Variants in VPS54 observed in about 807,000 individuals in gnomAD.
VPS54 encodes the protein vacuolar protein sorting-associated protein 54.
Under a neutral mutation model 121.5 loss-of-function variants are expected in VPS54, and 45 were observed. The ratio of observed to expected loss-of-function variants is 0.37; its 90% confidence interval spans 0.29 to 0.47. VPS54 has a LOEUF of 0.47. Among genes scored for constraint, VPS54 ranks in the 20% least tolerant of loss-of-function variants. The pLI, the probability that VPS54 is intolerant of heterozygous loss-of-function variation, is 0.99. For missense variants in VPS54, 1,090 were observed against 1,131.4 expected (o/e 0.96, Z 0.52); for synonymous variants, 371 against 385.8 (o/e 0.96, Z 0.45).
chr2:63,962,421 A>G lies in VPS54; in HGVS notation c.647T>C (p.Val216Ala). Residue 216 changes from valine to alanine, a missense_variant, in exon 7 of 23, where the codon GTG becomes GCG. Val to Ala is a moderately conservative substitution (Grantham distance 64). Around this residue, in one of 2 missense-constraint regions of VPS54, gnomAD observed 801 missense variants for 757.0 expected, o/e 1.06. Coordinates refer to ENST00000272322, the MANE Select transcript of VPS54 (RefSeq NM_016516.3). Reference sequence around the variant, plus strand: ...GATCTGGTGAGCAATGTTTACTTCCACAATATCCAGATAATGGCTCAGCTT... The same window carrying G: ...GATCTGGTGAGCAATGTTTACTTCCGCAATATCCAGATAATGGCTCAGCTT... ...QEKLSHYLDI[V>A]EVNIAHQISL... is the part of the protein sequence containing the mutation. 6.2e-7 allele frequency: 1 copy of G among 1,612,244 alleles called. No homozygotes were observed. Among genetic ancestry groups the G allele is most frequent in the Non-Finnish European group, 8.5e-7 (1 of 1,178,936 alleles).
chr2:63,947,385 G>T lies in VPS54; in HGVS notation c.1243C>A (p.Gln415Lys), dbSNP rs760607300. 4.3e-5 allele frequency: 67 copies of T among 1,546,640 alleles called. No homozygotes were observed. The highest frequency in any genetic ancestry group is 5.9e-5 in the Non-Finnish European group (67 of 1,139,640). The change falls in exon 9 of 23, where the codon CAG (glutamine) becomes AAG (lysine). Residue 415 changes from glutamine to lysine, a missense_variant and splice_region_variant. Physicochemically the swap from Gln to Lys is moderately conservative, Grantham distance 53. Transcript: ENST00000272322. ...GTCAAATAAAAATGCATAATTACCT[G>T]TTTAATGATATTCTTTGCTGTAATA... ...MVITAKNIIK[Q>K]CVINKVSQTE...
At chr2:63,987,346 A>C (rs1167656645) in intron 1 of VPS54, among the ~76,000 whole-genome samples, 4 of 152,216 alleles carry the variant, frequency 2.6e-5, no homozygotes, top group Non-Finnish European at 4.4e-5. Flanking sequence ...TCCTTTGTTA[A>C]GAATGAGATC....
chr2:64,014,587 C>A (rs1221232574), intron 1 of VPS54, among the ~76,000 whole-genome samples: 1 of 111,476 alleles, frequency 9.0e-6, no homozygotes, highest in Non-Finnish European at 2.3e-5. Context: ...CTTCTCTCCT[C>A]CCTAGAGAGG....
intron 1 of VPS54, among the ~76,000 whole-genome samples, chr2:63,988,113 G>C (rs1428798938): frequency 6.6e-6 from 1 of 152,176 alleles, no homozygotes; most frequent in Non-Finnish European, 1.5e-5. Context: ...TAGAAGAAGG[G>C]CTTTCAGTTT....
chr2:63,961,003 C>A (rs1055291279), intron 7 of VPS54, among the ~76,000 whole-genome samples: 1 of 152,198 alleles, frequency 6.6e-6, no homozygotes, highest in Non-Finnish European at 1.5e-5. Flanking sequence ...TTAGGTTCCA[C>A]CCCTAAGGTC....
At chr2:63,954,082 A>T (rs35697586) in intron 7 of VPS54, among the ~76,000 whole-genome samples, 17,480 of 152,212 alleles carry the variant, frequency 0.11, 1,146 homozygotes, top group Middle Eastern at 0.15. Flanking sequence ...AGTAGCAAGA[A>T]CATGCCTACT....
At chr2:63,991,908 GC>G (rs1259625281) in intron 1 of VPS54, among the ~76,000 whole-genome samples, 1 of 152,202 alleles carries the variant, frequency 6.6e-6, no homozygotes, top group East Asian at 1.9e-4. Context: ...AGGGGTTGGG[GC>G]GGTCGATCTC....
intron 1 of VPS54, among the ~76,000 whole-genome samples, chr2:64,009,621 T>A (rs1678334181): frequency 6.6e-6 from 1 of 151,942 alleles, no homozygotes. Context: ...CAGCCTACAT[T>A]TTCATCAGTG....
At chr2:63,923,531 T>C (rs941008702) in intron 12 of VPS54, among the ~76,000 whole-genome samples, 1 of 152,124 alleles carries the variant, frequency 6.6e-6, no homozygotes. Flanking sequence ...TGTCCACTAA[T>C]GGATGAACAG....
At chr2:63,916,854 G>C in intron 16 of VPS54, 46 bp downstream of exon 16, 1 of 1,583,408 alleles carries the variant, frequency 6.3e-7, no homozygotes, top group South Asian at 1.1e-5. Context: ...GAAGACTTGT[G>C]TTTTAAATAG....
At chr2:63,912,301 A>T in intron 20 of VPS54, 44 bp downstream of exon 20, 1 of 1,475,226 alleles carries the variant, frequency 6.8e-7, no homozygotes, top group Non-Finnish European at 9.3e-7. Context: ...ATAGAAAATC[A>T]TAATGTCTTT....
At chr2:63,904,175 C>G (rs1672806061) in intron 20 of VPS54, among the ~76,000 whole-genome samples, 1 of 152,092 alleles carries the variant, frequency 6.6e-6, no homozygotes, top group Non-Finnish European at 1.5e-5. Flanking sequence ...CGTGGTGGCT[C>G]ACGCCTGTAA....
chr2:63,897,521 T>C lies in VPS54; in HGVS notation c.2803A>G (p.Ile935Val). The change falls in exon 22 of 23, where the codon ATA becomes GTA. Residue 935 changes from isoleucine (I) to valine (V), a missense_variant. Physicochemically the swap from Ile to Val is conservative, Grantham distance 29 (BLOSUM62 3). Transcript: ENST00000272322. ...CCATTTTGAGGTCCTCCATCATTTA[T>C]CACATTTAAGTGAGATAACTGCTTT... ...LKKQLSHLNV[I>V]NDGGPQNGLV... is the part of the protein sequence containing the mutation. The C allele has an allele frequency of 6.2e-7, 1 of 1,600,540 alleles. No homozygotes were observed. Among genetic ancestry groups the C allele is most frequent in the Non-Finnish European group, 8.5e-7 (1 of 1,173,638 alleles).
Position 63,899,341 on chromosome 2 carries a change from T to A in VPS54, c.2733+133A>T. ...TTTATCCATGTTCTACCAGTCAATATAACAATGTAAAAAAATGATAATCAT... is the reference window on the plus strand; with the variant it reads ...TTTATCCATGTTCTACCAGTCAATAAAACAATGTAAAAAAATGATAATCAT... On this transcript the variant is annotated intron_variant, in intron 21 of 22. Transcript: ENST00000272322. 4.1e-6 allele frequency: 3 copies of A among 731,158 alleles called. No homozygotes were observed. In the East Asian group the frequency reaches 8.1e-5, roughly 20 times the overall value. 45.3% of individuals were successfully genotyped at this position (731,158 alleles called of 1,614,324 possible).
chr2:63,991,807 G>A (rs527473957), intron 1 of VPS54, among the ~76,000 whole-genome samples: 8 of 152,240 alleles, frequency 5.3e-5, no homozygotes, highest in African/African-American at 1.4e-4. Context: ...CAGTCCCAAC[G>A]CAGCCCCCAC....
chr2:63,973,117 A>G (rs151206736), intron 3 of VPS54, among the ~76,000 whole-genome samples: 3 of 152,282 alleles, frequency 2.0e-5, no homozygotes, highest in East Asian at 3.9e-4. Flanking sequence ...ACTGTTTTCC[A>G]AAGTGGCCAT....
intron 7 of VPS54, among the ~76,000 whole-genome samples, chr2:63,961,373 A>G (rs1055081927): frequency 1.3e-5 from 2 of 152,234 alleles, no homozygotes. Flanking sequence ...TAATGGATTA[A>G]GTTACAGAGC....
At position 63,943,046 on chromosome 2, in the gene VPS54, C is replaced by T. The variant is rs558909592; in HGVS notation, c.1302-485G>A. Among the ~76,000 whole-genome samples the T allele has an allele frequency of 1.4e-4, 22 of 152,242 alleles. No homozygotes were observed. The South Asian group carries it at 1.9e-3, about 13-fold the overall frequency. On this transcript the variant is annotated intron_variant, in intron 10 of 22. Transcript: ENST00000272322. ...TCTGGCAAGTGACTTAACCCCTCCA[C>T]GCTCCAATTTTCTCATCTAACATGA...
At chr2:63,926,285 T>A (rs958124168) in intron 12 of VPS54, among the ~76,000 whole-genome samples, 3 of 152,252 alleles carry the variant, frequency 2.0e-5, no homozygotes, top group African/African-American at 7.2e-5. Context: ...TTACATTGTT[T>A]AAGCTACAGA....
Sources: allele counts gnomAD v4.1 joint callset (sites outside exome capture counted in the v4.1 genomes callset), GRCh38; gene constraint gnomAD v4.1.1; regional missense constraint gnomAD v4.1.1; transcripts MANE v1.5; gene names NCBI Gene and HGNC (gene_info 2026-07-23, HGNC 2026-07-21).